Variants in KIAA1549L observed in about 807,000 individuals in gnomAD.
The protein encoded by KIAA1549L is KIAA1549 like.
In KIAA1549L, 88 loss-of-function variants were observed where a neutral mutation model predicts 160.7. That is an observed-to-expected ratio of 0.55 (90% CI 0.46 to 0.65). The LOEUF (loss-of-function observed/expected upper bound fraction) is 0.65. KIAA1549L is among the 30% of genes least tolerant of loss of function. The pLI is 0.00. For missense variants in KIAA1549L, 2,258 were observed against 2,437.5 expected (o/e 0.93, Z 1.55); for synonymous variants, 950 against 976.7 (o/e 0.97, Z 0.51).
chr11:33,446,393 CGTTTTTT>C (rs1217382535), intron 1 of KIAA1549L, among the ~76,000 whole-genome samples: 1 of 151,994 alleles, frequency 6.6e-6, no homozygotes, highest in African/African-American at 2.4e-5. Flanking sequence ...CTGTGCTCGG[CGTTTTTT>C]GTTTTTTGTT....
chr11:33,560,733 T>A (rs1854826784), intron 7 of KIAA1549L, among the ~76,000 whole-genome samples: 1 of 152,218 alleles, frequency 6.6e-6, no homozygotes, highest in Non-Finnish European at 1.5e-5. Flanking sequence ...TAATACATAT[T>A]AGCAAAATTG....
chr11:33,546,055 T>G (rs1441403193), intron 3 of KIAA1549L, among the ~76,000 whole-genome samples: 5 of 152,180 alleles, frequency 3.3e-5, no homozygotes, highest in Non-Finnish European at 7.4e-5. Flanking sequence ...TAAGCCCCCA[T>G]TCCCCAGCTG....
At chr11:33,468,072 A>C (rs1018651314) in intron 1 of KIAA1549L, among the ~76,000 whole-genome samples, 1 of 152,204 alleles carries the variant, frequency 6.6e-6, no homozygotes, top group Admixed American at 6.5e-5. Flanking sequence ...CCATCATTAT[A>C]AATAGCTGGG....
intron 1 of KIAA1549L, among the ~76,000 whole-genome samples, chr11:33,491,269 A>G (rs1202436684): frequency 2.6e-5 from 4 of 152,098 alleles, no homozygotes; most frequent in African/African-American, 9.7e-5. Context: ...GTATGTGAAA[A>G]CCGTGCTGGC....
rs1465057086 is a variant in KIAA1549L at position 33,618,673 on chromosome 11, G to A, written c.5409+11G>A. The A allele has an allele frequency of 4.5e-6, 7 of 1,560,524 alleles. No individual in the cohort carries two copies. The highest frequency in any genetic ancestry group is 4.4e-6 in the Non-Finnish European group (5 of 1,148,786). The stretch of plus-strand genomic sequence containing the variant: ...AACAGCGGATACGATGTGAGTCTCT[G>A]GTGGGCTGGGTAAATACAAGCTTTC... On this transcript the variant is annotated intron_variant, in intron 16 of 20. Transcript: ENST00000658780.
intron 1 of KIAA1549L, among the ~76,000 whole-genome samples, chr11:33,514,552 C>A (rs1853301444): frequency 6.6e-6 from 1 of 152,228 alleles, no homozygotes; most frequent in South Asian, 2.1e-4. Flanking sequence ...ATTTTGCTCT[C>A]ATACAAAGAG....
At chr11:33,447,473 TCCACCCACCCAC>T (rs879501635) in intron 1 of KIAA1549L, among the ~76,000 whole-genome samples, 2 of 133,856 alleles carry the variant, frequency 1.5e-5, no homozygotes, top group African/African-American at 5.7e-5. Context: ...CATCCATCCA[TCCACCCACCCAC>T]CCACCCACCC....
At chr11:33,642,611 G>T (rs978558017) in intron 16 of KIAA1549L, among the ~76,000 whole-genome samples, 1 of 151,876 alleles carries the variant, frequency 6.6e-6, no homozygotes. Flanking sequence ...GGGTGGAAAT[G>T]GTTATGACAG....
chr11:33,496,345 G>T (rs2133077856), intron 1 of KIAA1549L, among the ~76,000 whole-genome samples: 1 of 152,272 alleles, frequency 6.6e-6, no homozygotes, highest in East Asian at 1.9e-4. Flanking sequence ...TATCTATGAA[G>T]GTAGGGGCTT....
At chr11:33,541,553 A>G (rs943266691) in intron 1 of KIAA1549L, among the ~76,000 whole-genome samples, 1 of 152,234 alleles carries the variant, frequency 6.6e-6, no homozygotes, top group African/African-American at 2.4e-5. Flanking sequence ...TTAATACACA[A>G]GTATTTTCAA....
intron 1 of KIAA1549L, among the ~76,000 whole-genome samples, chr11:33,481,574 G>A (rs958873975): frequency 1.3e-5 from 2 of 152,042 alleles, no homozygotes; most frequent in African/African-American, 2.4e-5. Context: ...CATTTATTAC[G>A]TTCCTTTAAT....
intron 1 of KIAA1549L, among the ~76,000 whole-genome samples, chr11:33,379,210 C>A (rs1565112491): frequency 1.3e-5 from 2 of 152,174 alleles, no homozygotes; most frequent in Non-Finnish European, 2.9e-5. Context: ...AGATTTGTTT[C>A]TGGAAAATTC....
rs1346501355 is a variant in KIAA1549L at position 33,542,412 on chromosome 11, A to G, written c.849A>G (p.Leu283=). The G allele has an allele frequency of 1.3e-6, 2 of 1,515,312 alleles. No homozygotes were observed. Among genetic ancestry groups the G allele is most frequent in the Admixed American group, 3.8e-5 (2 of 52,646 alleles). The allele number at this position is 1,515,312 out of a possible 1,614,324, so 93.9% of individuals were successfully genotyped here. Residue 283 remains leucine, a synonymous_variant, in exon 2 of 21, where the codon TTA becomes TTG. Coordinates refer to ENST00000658780, the MANE Select transcript of KIAA1549L (RefSeq NM_012194.3). Reference sequence around the variant, plus strand: ...AAACAGCTCCAGCCGACCCCTCTTTAGGTCAGAACATAGCTAATCCCTTAA... The same window carrying G: ...AAACAGCTCCAGCCGACCCCTCTTTGGGTCAGAACATAGCTAATCCCTTAA... ...VPQTAPADPS[L]GQNIANPLIP...
At chr11:33,645,364 T>C (rs1851687455) in intron 16 of KIAA1549L, among the ~76,000 whole-genome samples, 1 of 152,148 alleles carries the variant, frequency 6.6e-6, no homozygotes, top group Non-Finnish European at 1.5e-5. Context: ...GGGGAATGTC[T>C]CTAAAAGATT....
chr11:33,645,450 T>C (rs1433376228), intron 16 of KIAA1549L, among the ~76,000 whole-genome samples: 1 of 152,180 alleles, frequency 6.6e-6, no homozygotes, highest in African/African-American at 2.4e-5. Flanking sequence ...GCCTGCAGCA[T>C]TGGTCAATCT....
rs192700260 is a variant in KIAA1549L, at chr11:33,479,910, A to G, written c.239-61892A>G. ...AGGGTCTCCATTTAAAAACTGTGGT[A>G]TGTTTAACACGCAGAAACTTGTTTT... On this transcript the variant is annotated intron_variant, in intron 1 of 20. Coordinates refer to ENST00000658780, the MANE Select transcript of KIAA1549L (RefSeq NM_012194.3). Among the ~76,000 whole-genome samples, 185 of 152,286 alleles carry G rather than the reference A, an allele frequency of 1.2e-3. 1 individual carries two copies. The highest frequency in any genetic ancestry group is 4.3e-3 in the African/African-American group (178 of 41,560).
At chr11:33,392,827 A>G (rs908277581) in intron 1 of KIAA1549L, among the ~76,000 whole-genome samples, 1 of 152,114 alleles carries the variant, frequency 6.6e-6, no homozygotes, top group African/African-American at 2.4e-5. Context: ...CAGCTTCCCA[A>G]AGTGCTGGGA....
intron 1 of KIAA1549L, among the ~76,000 whole-genome samples, chr11:33,536,899 T>A (rs534669127): frequency 1.3e-5 from 2 of 152,300 alleles, no homozygotes; most frequent in East Asian, 3.9e-4. Context: ...TCCCGTCTGT[T>A]CTTCATGCCA....
Position 33,441,490 on chromosome 11 carries a change from C to A in KIAA1549L, c.238+64601C>A, listed in dbSNP as rs1009660812. Among the ~76,000 whole-genome samples the A allele has an allele frequency of 3.1e-5, 3 of 97,756 alleles. No homozygotes were observed. The South Asian group carries it at 1.0e-3, about 33-fold the overall frequency. 64.1% of individuals were successfully genotyped at this position (97,756 alleles called of 152,430 possible). On this transcript the variant is annotated intron_variant, in intron 1 of 20. Transcript: ENST00000658780. ...TTCTAGTTCTAGATCCCTGAGGAATCGCCACACGACTTCCACAATGGTTGA... is the reference window on the plus strand; with the variant it reads ...TTCTAGTTCTAGATCCCTGAGGAATAGCCACACGACTTCCACAATGGTTGA...
Sources: gnomAD v4.1 joint callset for allele counts (sites outside exome capture counted in the v4.1 genomes callset) on GRCh38, gnomAD v4.1.1 for gene constraint, MANE v1.5 for transcripts, NCBI Gene and HGNC (gene_info 2026-07-23, HGNC 2026-07-21) for gene names.